ZFAND3: variants seen among roughly 807,000 people sequenced by gnomAD.
The protein encoded by ZFAND3 is AN1-type zinc finger protein 3.
Under a neutral mutation model 29.6 loss-of-function variants are expected in ZFAND3, and 10 were observed. That is an observed-to-expected ratio of 0.34 (90% confidence interval 0.21 to 0.57). The LOEUF (loss-of-function observed/expected upper bound fraction) is 0.57. Among genes scored for constraint, ZFAND3 ranks in the 20% least tolerant of loss-of-function variants. The pLI is 0.86. For missense variants in ZFAND3, 230 were observed against 304.5 expected, an observed-to-expected ratio of 0.76 and a Z score of 1.82; for synonymous variants, 128 against 112.6, an observed-to-expected ratio of 1.14 and a Z score of -0.87.
intron 2 of ZFAND3, among the ~76,000 whole-genome samples, chr6:37,961,969 G>T (rs1304173103): frequency 6.6e-6 from 1 of 152,200 alleles, no homozygotes; most frequent in African/African-American, 2.4e-5. Flanking sequence ...GTGTCTGCAA[G>T]TATCAGGATG....
intron 2 of ZFAND3, among the ~76,000 whole-genome samples, chr6:38,050,337 T>C (rs1764002032): frequency 6.6e-6 from 1 of 152,184 alleles, no homozygotes; most frequent in South Asian, 2.1e-4. Context: ...CTGGAACTCC[T>C]GGGCTCAAGC....
intron 1 of ZFAND3, among the ~76,000 whole-genome samples, chr6:37,882,939 C>T (rs749384176): frequency 6.6e-6 from 1 of 152,082 alleles, no homozygotes; most frequent in Non-Finnish European, 1.5e-5. Flanking sequence ...AACATGTAGC[C>T]TGGGTGCATT....
At chr6:37,894,217 T>G (rs1581740839) in intron 1 of ZFAND3, among the ~76,000 whole-genome samples, 2 of 152,216 alleles carry the variant, frequency 1.3e-5, no homozygotes, top group Non-Finnish European at 1.5e-5. Flanking sequence ...ATAGTACCAC[T>G]GCATTCCAGC....
At chr6:37,848,426 G>A (rs7742226) in intron 1 of ZFAND3, among the ~76,000 whole-genome samples, 32,691 of 152,106 alleles carry the variant, frequency 0.21, 4,343 homozygotes, top group African/African-American at 0.37. Flanking sequence ...AGGGAATTCT[G>A]TAATCATTTT....
intron 1 of ZFAND3, among the ~76,000 whole-genome samples, chr6:37,820,661 A>G (rs1763649676): frequency 6.6e-6 from 1 of 152,204 alleles, no homozygotes. Context: ...GTCAAAAAGG[A>G]AGAAAAAAAC....
chr6:38,151,346 T>C (rs1766219228), intron 5 of ZFAND3, among the ~76,000 whole-genome samples: 1 of 152,246 alleles, frequency 6.6e-6, no homozygotes, highest in Non-Finnish European at 1.5e-5. Flanking sequence ...AAAAGAGCCT[T>C]GCAGCATCCT....
chr6:37,898,473 C>G (rs1034089583), intron 1 of ZFAND3, among the ~76,000 whole-genome samples: 9 of 152,136 alleles, frequency 5.9e-5, no homozygotes, highest in African/African-American at 2.2e-4. Flanking sequence ...TCATGATTGT[C>G]TTAGCTATTC....
intron 2 of ZFAND3, among the ~76,000 whole-genome samples, chr6:37,972,190 C>T (rs1372430923): frequency 2.6e-5 from 4 of 152,148 alleles, no homozygotes; most frequent in Non-Finnish European, 4.4e-5. Context: ...ATACCTCACT[C>T]AGCACATTAC....
intron 4 of ZFAND3, among the ~76,000 whole-genome samples, chr6:38,099,036 TG>T (rs752221207): frequency 1.3e-5 from 2 of 152,312 alleles, no homozygotes; most frequent in South Asian, 4.1e-4. Flanking sequence ...TTCACAAGCT[TG>T]CCTTTTAAAA....
intron 5 of ZFAND3, among the ~76,000 whole-genome samples, chr6:38,134,197 A>G (rs9470792): frequency 0.033 from 4,965 of 152,260 alleles, 221 homozygotes; most frequent in African/African-American, 0.096. Flanking sequence ...TACCTGGGTA[A>G]TATGAGACAC....
rs1307411344 is a variant in ZFAND3, at chr6:37,985,505, ACACACACACACACACACACACACC to A, written c.112+55508_112+55531del. Among the ~76,000 whole-genome samples, 466 of 148,734 alleles carry A rather than the reference ACACACACACACACACACACACACC, an allele frequency of 3.1e-3. 3 individuals carry two copies. Among genetic ancestry groups the A allele is most frequent in the African/African-American group, 0.011 (443 of 40,372 alleles). On this transcript the variant is annotated intron_variant, in intron 2 of 5. Transcript: ENST00000287218. ...GTGGCACGTGCTTGTGGTTCCACAC[ACACACACACACACACACACACACC>A]CCCACACACGCCTGGTGGCACGTGC... is the stretch of plus-strand genomic sequence containing the variant.
intron 2 of ZFAND3, among the ~76,000 whole-genome samples, chr6:37,953,898 C>T (rs189312359): frequency 6.6e-6 from 1 of 152,212 alleles, no homozygotes; most frequent in East Asian, 1.9e-4. Context: ...TTTCTTTTAA[C>T]ATTTCTTTTG....
intron 1 of ZFAND3, among the ~76,000 whole-genome samples, chr6:37,859,270 G>T (rs1048307247): frequency 2.0e-5 from 3 of 152,110 alleles, no homozygotes; most frequent in Admixed American, 1.3e-4. Context: ...GAAAATTTAT[G>T]TTTAGATTCT....
chr6:37,846,116 A>G (rs1764173223), intron 1 of ZFAND3, among the ~76,000 whole-genome samples: 1 of 152,156 alleles, frequency 6.6e-6, no homozygotes, highest in Non-Finnish European at 1.5e-5. Context: ...TTCCTGTTAT[A>G]GCCCTGATTC....
At chr6:38,099,224 T>C (rs1423252657) in intron 4 of ZFAND3, among the ~76,000 whole-genome samples, 1 of 152,210 alleles carries the variant, frequency 6.6e-6, no homozygotes, top group Non-Finnish European at 1.5e-5. Flanking sequence ...GAAGATACTT[T>C]AGCCAATAAA....
chr6:37,906,840 C>G (rs1477451463), intron 1 of ZFAND3, among the ~76,000 whole-genome samples: 1 of 151,942 alleles, frequency 6.6e-6, no homozygotes, highest in African/African-American at 2.4e-5. Context: ...GAAGAAATGG[C>G]TGTTCAAGTG....
At chr6:37,955,221 A>T (rs1762066961) in intron 2 of ZFAND3, among the ~76,000 whole-genome samples, 1 of 152,092 alleles carries the variant, frequency 6.6e-6, no homozygotes, top group East Asian at 1.9e-4. Flanking sequence ...ACCGTTTGAT[A>T]CATTTTGGCA....
At chr6:38,148,852 T>C (rs1478077928) in intron 5 of ZFAND3, among the ~76,000 whole-genome samples, 1 of 152,152 alleles carries the variant, frequency 6.6e-6, no homozygotes, top group Non-Finnish European at 1.5e-5. Flanking sequence ...GTTCCAGACA[T>C]AACTTCCTCT....
At chr6:38,085,380 C>G (rs1029133126) in intron 4 of ZFAND3, among the ~76,000 whole-genome samples, 15 of 152,124 alleles carry the variant, frequency 9.9e-5, no homozygotes, top group Non-Finnish European at 1.9e-4. Context: ...AAGGTTGGAC[C>G]TAAAGCAGCC....
Sources: allele counts gnomAD v4.1 joint callset (sites outside exome capture counted in the v4.1 genomes callset), GRCh38; gene constraint gnomAD v4.1.1; transcripts MANE v1.5; gene names NCBI Gene and HGNC (gene_info 2026-07-23, HGNC 2026-07-21).